The following TTC23L variants were observed in gnomAD, a reference collection of about 807,000 sequenced individuals.
TTC23L encodes tetratricopeptide repeat domain 23 like, also known as tetratricopeptide repeat protein 23-like.
In TTC23L, 42 loss-of-function variants were observed where a neutral mutation model predicts 48.1. That is an observed-to-expected ratio of 0.87 (90% CI 0.68 to 1.13). TTC23L has a LOEUF of 1.13. TTC23L is among the 50% of genes most tolerant of loss of function. TTC23L has a pLI of 0.00. For missense variants in TTC23L, 391 were observed against 421.0 expected (o/e 0.93, Z 0.62); for synonymous variants, 159 against 157.2 (o/e 1.01, Z -0.09).
chr5:34,921,983 A>ATAT, the TTC23L span: 4 of 283,048 alleles, frequency 1.4e-5, no homozygotes, highest in Non-Finnish European at 2.6e-5. Flanking sequence ...AGGCCCAAAA[A>ATAT]TATGATAGAT....
At chr5:34,893,857 G>A (rs756067297) in intron 9 of TTC23L, among the ~76,000 whole-genome samples, 3 of 152,124 alleles carry the variant, frequency 2.0e-5, no homozygotes, top group African/African-American at 7.2e-5. Flanking sequence ...TCATTGTTAC[G>A]AAAGACACGA....
intron 8 of TTC23L, among the ~76,000 whole-genome samples, chr5:34,871,568 A>G (rs1054270933): frequency 2.6e-5 from 4 of 152,212 alleles, no homozygotes; most frequent in African/African-American, 7.2e-5. Flanking sequence ...TTTGTGTGAA[A>G]AAGCAAAGAA....
intron 8 of TTC23L, among the ~76,000 whole-genome samples, chr5:34,875,378 C>T (rs965954353): frequency 5.3e-5 from 8 of 151,994 alleles, no homozygotes; most frequent in Admixed American, 1.3e-4. Context: ...CACAAAGTCC[C>T]GCAATAGGCC....
At chr5:34,900,873 G>A (rs1032029695), downstream of TTC23L, among the ~76,000 whole-genome samples, 2 of 152,208 alleles carry the variant, frequency 1.3e-5, no homozygotes, top group Admixed American at 6.5e-5. Flanking sequence ...ATCACATAGC[G>A]TTTTGAGTGG....
chr5:34,886,766 G>A (rs893076999), intron 9 of TTC23L, among the ~76,000 whole-genome samples: 1 of 152,130 alleles, frequency 6.6e-6, no homozygotes, highest in African/African-American at 2.4e-5. Context: ...AACTTTAGTT[G>A]AGTCCCTATC....
At chr5:34,896,975 G>A in intron 10 of TTC23L, 100 bp downstream of exon 10, 48 of 493,110 alleles carry the variant, frequency 9.7e-5, no homozygotes, top group South Asian at 3.9e-4. Flanking sequence ...GGGGGAGGAA[G>A]AAAGGCTCTG....
chr5:34,892,608 CAAGT>C (rs1489221439), intron 9 of TTC23L, among the ~76,000 whole-genome samples: 2 of 152,086 alleles, frequency 1.3e-5, no homozygotes, highest in Non-Finnish European at 2.9e-5. Flanking sequence ...AGGAAAAGGG[CAAGT>C]AATAAATCAT....
chr5:34,913,129 G>A, the TTC23L span, among the ~76,000 whole-genome samples: 6 of 152,068 alleles, frequency 3.9e-5, no homozygotes, highest in East Asian at 5.8e-4. Flanking sequence ...ACTAACTAGC[G>A]GAGTAATTCT....
At chr5:34,899,706 C>A (rs1404713161), downstream of TTC23L, among the ~76,000 whole-genome samples, 1 of 152,014 alleles carries the variant, frequency 6.6e-6, no homozygotes, top group Admixed American at 6.6e-5. Flanking sequence ...CTGGTCAACA[C>A]GGTGAAACCC....
At chr5:34,914,055 T>G in the TTC23L span, 2 of 455,556 alleles carry the variant, frequency 4.4e-6, no homozygotes, top group African/African-American at 2.0e-5. Context: ...CGTGTCTTAT[T>G]TACCTCTCTA....
At chr5:34,887,715 G>A (rs1001390741) in intron 9 of TTC23L, among the ~76,000 whole-genome samples, 1 of 152,174 alleles carries the variant, frequency 6.6e-6, no homozygotes, top group Non-Finnish European at 1.5e-5. Flanking sequence ...GAAGAGAGGG[G>A]TCTCATGAGA....
the TTC23L span, chr5:34,925,064 G>C: frequency 6.6e-7 from 1 of 1,506,868 alleles, no homozygotes; most frequent in South Asian, 1.3e-5. Context: ...TTTATTACCT[G>C]TGAAACTGAA....
chr5:34,919,834 T>G, the TTC23L span: 1 of 1,022,808 alleles, frequency 9.8e-7, no homozygotes, highest in Non-Finnish European at 1.4e-6. Flanking sequence ...TTTTTTCTTT[T>G]TCTAGATACT....
Position 34,862,893 on chromosome 5 carries a change from C to T in TTC23L, c.380-5C>T, listed in dbSNP as rs1760784928. ...TTCTTGCTCCTCACCCTCTAACTCC[C>T]CCAGGCCTCCCAGTTCAGGCCAAGA... On this transcript the variant is annotated splice_region_variant and splice_polypyrimidine_tract_variant and intron_variant, in intron 4 of 10. Transcript: ENST00000505624. 9 of 1,613,834 alleles carry T rather than the reference C, an allele frequency of 5.6e-6. No homozygotes were observed. The highest frequency in any genetic ancestry group is 7.6e-6 in the Non-Finnish European group (9 of 1,179,816).
intron 9 of TTC23L, among the ~76,000 whole-genome samples, chr5:34,889,870 T>C (rs1762755382): frequency 6.6e-6 from 1 of 151,970 alleles, no homozygotes. Flanking sequence ...GACAGAGTCT[T>C]GCTCTGTCGC....
At chr5:34,878,076 A>G (rs1013911300) in intron 8 of TTC23L, among the ~76,000 whole-genome samples, 1 of 152,240 alleles carries the variant, frequency 6.6e-6, no homozygotes, top group Non-Finnish European at 1.5e-5. Context: ...TACCATTTAC[A>G]TTAGCACTCC....
At chr5:34,887,642 C>A (rs377683228) in intron 9 of TTC23L, among the ~76,000 whole-genome samples, 111 of 152,202 alleles carry the variant, frequency 7.3e-4, no homozygotes, top group African/African-American at 2.6e-3. Flanking sequence ...GTTTTAATAT[C>A]CTGCCAATTT....
downstream of TTC23L, among the ~76,000 whole-genome samples, chr5:34,902,959 G>A (rs1763544717): frequency 6.7e-6 from 1 of 149,270 alleles, no homozygotes; most frequent in Non-Finnish European, 1.5e-5. Flanking sequence ...AACAATGACT[G>A]ACATTAAAAA....
chr5:34,884,523 T>TACACACACACACAC (rs572660867), intron 9 of TTC23L, among the ~76,000 whole-genome samples: 163 of 148,734 alleles, frequency 1.1e-3, no homozygotes, highest in African/African-American at 3.9e-3. Context: ...AATGATCACA[T>TACACACACACACAC]ACACACACAC....
Sources: allele counts gnomAD v4.1 joint callset (sites outside exome capture counted in the v4.1 genomes callset), GRCh38; gene constraint gnomAD v4.1.1; transcripts MANE v1.5; gene names NCBI Gene and HGNC (gene_info 2026-07-23, HGNC 2026-07-21).